The following HDAC9 variants were observed in gnomAD, a reference collection of about 807,000 sequenced individuals.
HDAC9 encodes MEF-2 interacting transcription repressor (MITR) protein.
A neutral mutation model predicts 139.4 loss-of-function variants in HDAC9; 41 were observed. That is an observed-to-expected ratio of 0.29 (90% confidence interval 0.23 to 0.38). The LOEUF (loss-of-function observed/expected upper bound fraction) is 0.38, where lower values mean the gene tolerates loss of function less well. Among genes scored for constraint, HDAC9 ranks in the 10% least tolerant of loss-of-function variants. The probability of loss-of-function intolerance (pLI) is 1.00; values close to 1 mark genes in which losing one functional copy is unlikely to be tolerated. For missense variants in HDAC9, 1,147 were observed against 1,297.0 expected, an observed-to-expected ratio of 0.88 and a Z score of 1.78; for synonymous variants, 517 against 476.2, an observed-to-expected ratio of 1.09 and a Z score of -1.12.
At chr7:18,177,337 A>G (rs886428721) in intron 2 of HDAC9, among the ~76,000 whole-genome samples, 18 of 152,254 alleles carry the variant, frequency 1.2e-4, no homozygotes, top group African/African-American at 4.1e-4. Context: ...GGTGCGATTA[A>G]TCTCTTCTCA....
chr7:18,599,476 C>T (rs187281931), intron 6 of HDAC9, among the ~76,000 whole-genome samples: 4 of 152,276 alleles, frequency 2.6e-5, no homozygotes, highest in African/African-American at 9.6e-5. Context: ...CTCCCCCCAC[C>T]CAACTTTTGG....
At chr7:18,242,388 T>C (rs1204115347) in intron 2 of HDAC9, among the ~76,000 whole-genome samples, 1 of 152,166 alleles carries the variant, frequency 6.6e-6, no homozygotes, top group Admixed American at 6.5e-5. Context: ...AGAAGTCCGA[T>C]TGATTTGTTC....
chr7:18,265,534 GT>G lies in HDAC9; in HGVS notation c.25+103192del, dbSNP rs1341711488. Among the ~76,000 whole-genome samples the G allele has an allele frequency of 4.6e-5, 7 of 151,934 alleles. No individual in the cohort carries two copies. The East Asian group carries it at 9.6e-4, about 21-fold the overall frequency. On this transcript the variant is annotated intron_variant, in intron 2 of 12. Transcript: ENST00000417496. Reference sequence around the variant, plus strand: ...TATGCACATTTCTTAAGTCTGAGAGGTTTTTTTCCTTATGATAATTCAGTAG... The same window carrying G: ...TATGCACATTTCTTAAGTCTGAGAGGTTTTTTCCTTATGATAATTCAGTAG...
In HDAC9 at chr7:18,273,032, CTCTTCCCCT is replaced by C. The variant is rs1176418446; in HGVS notation, c.25+110698_25+110706del. On this transcript the variant is annotated intron_variant, in intron 2 of 12. Coordinates refer to the HDAC9 transcript ENST00000417496. ...CTTCTTCCTCCTCCTCCTCCTCTTC[CTCTTCCCCT>C]TCTTCCCCTTCTTCGTTTTTTTTTT... Among the ~76,000 whole-genome samples, 7 of 136,220 alleles carry C rather than the reference CTCTTCCCCT, an allele frequency of 5.1e-5. No individual in the cohort carries two copies. In the East Asian group the frequency reaches 8.0e-4, roughly 16 times the overall value. The allele number at this position is 136,220 out of a possible 152,430, so 89.4% of individuals were successfully genotyped here. A position where few individuals can be genotyped will look rare whatever the true frequency, so the allele number is the denominator to read the frequency against.
In HDAC9 at chr7:18,834,574, G is replaced by C. The variant is rs1562974034; in HGVS notation, c.2467-893G>C. 2.7e-5 allele frequency among the ~76,000 whole-genome samples: 4 copies of C among 150,158 alleles called. No individual in the cohort carries two copies. In the East Asian group the frequency reaches 7.8e-4, roughly 29 times the overall value. On this transcript the variant is annotated intron_variant, in intron 19 of 25. Coordinates refer to ENST00000686413, the MANE Select transcript of HDAC9 (RefSeq NM_178425.4). Reference sequence around the variant, plus strand: ...GGAAAGAGGACTGGTGTAGGGAAAGGAGAAAAGAGCAGGAAGAAGGCTGTA... The same window carrying C: ...GGAAAGAGGACTGGTGTAGGGAAAGCAGAAAAGAGCAGGAAGAAGGCTGTA...
At chr7:18,868,135 G>A (rs1798632552) in intron 21 of HDAC9, among the ~76,000 whole-genome samples, 1 of 151,990 alleles carries the variant, frequency 6.6e-6, no homozygotes, top group Non-Finnish European at 1.5e-5. Flanking sequence ...CATACAACAT[G>A]GTCTTCTTAT....
At chr7:18,786,067 T>C (rs114466871) in intron 16 of HDAC9, among the ~76,000 whole-genome samples, 1,959 of 152,268 alleles carry the variant, frequency 0.013, 42 homozygotes, top group African/African-American at 0.045. Context: ...TGTTAAATTT[T>C]AGTTTTTTAT....
At position 18,721,608 on chromosome 7, in the gene HDAC9, T is replaced by A. The variant is rs188768864; in HGVS notation, c.1732-5972T>A. Among the ~76,000 whole-genome samples the A allele has an allele frequency of 5.3e-5, 8 of 152,334 alleles. No individual in the cohort carries two copies. The East Asian group carries it at 1.5e-3, about 29-fold the overall frequency. On this transcript the variant is annotated intron_variant, in intron 12 of 25. Coordinates refer to ENST00000686413, the MANE Select transcript of HDAC9 (RefSeq NM_178425.4). The stretch of plus-strand genomic sequence containing the variant: ...CATTTGCTCTTGCTAAAGTCCATGA[T>A]GATATTGATTCTAGCCCATGAGTAA...
chr7:18,934,252 C>A (rs746091315), intron 22 of HDAC9, among the ~76,000 whole-genome samples: 1 of 151,806 alleles, frequency 6.6e-6, no homozygotes, highest in African/African-American at 2.4e-5. Flanking sequence ...TGGTTTCATA[C>A]GAGATTTGTC....
chr7:18,175,431 T>G (rs528007985), intron 2 of HDAC9, among the ~76,000 whole-genome samples: 3 of 152,334 alleles, frequency 2.0e-5, no homozygotes, highest in Admixed American at 2.0e-4. Context: ...GGTGATGCCC[T>G]GCCCTGCTTC....
At chr7:18,615,697 A>T (rs1263355244) in intron 6 of HDAC9, among the ~76,000 whole-genome samples, 1 of 152,184 alleles carries the variant, frequency 6.6e-6, no homozygotes, top group Non-Finnish European at 1.5e-5. Flanking sequence ...TTCCTACTAC[A>T]TTACCTAAAA....
At chr7:18,160,161 G>A (rs533784248) in intron 1 of HDAC9, among the ~76,000 whole-genome samples, 6 of 152,294 alleles carry the variant, frequency 3.9e-5, no homozygotes, top group African/African-American at 1.4e-4. Context: ...AGATGAAAAA[G>A]ATTTTTTAAA....
At chr7:18,558,485 A>G (rs1401722860) in intron 2 of HDAC9, among the ~76,000 whole-genome samples, 4 of 152,130 alleles carry the variant, frequency 2.6e-5, no homozygotes, top group African/African-American at 9.7e-5. Context: ...TACTCTACAG[A>G]TGGGGAAACT....
chr7:18,662,761 T>G, intron 11 of HDAC9, among the ~76,000 whole-genome samples: 1 of 150,658 alleles, frequency 6.6e-6, no homozygotes, highest in East Asian at 2.0e-4. Flanking sequence ...GGAGAGGAGG[T>G]AGTACGAGAC....
intron 12 of HDAC9, among the ~76,000 whole-genome samples, chr7:18,713,463 C>A (rs750764694): frequency 6.6e-6 from 1 of 152,098 alleles, no homozygotes; most frequent in Non-Finnish European, 1.5e-5. Context: ...ATTGATTTAG[C>A]TATTCCGCAA....
At chr7:18,393,634 T>A (rs1465918534) in intron 1 of HDAC9, among the ~76,000 whole-genome samples, 1 of 150,514 alleles carries the variant, frequency 6.6e-6, no homozygotes, top group Non-Finnish European at 1.5e-5. Flanking sequence ...TGAGCTAAAA[T>A]TAAAGCCACA....
chr7:18,424,013 G>A (rs1398100055), intron 1 of HDAC9, among the ~76,000 whole-genome samples: 1 of 152,192 alleles, frequency 6.6e-6, no homozygotes, highest in African/African-American at 2.4e-5. Context: ...TCTTAATTAT[G>A]AAGGTAGTTT....
chr7:18,611,500 T>C (rs1837129788), intron 6 of HDAC9, among the ~76,000 whole-genome samples: 1 of 152,114 alleles, frequency 6.6e-6, no homozygotes, highest in South Asian at 2.1e-4. Flanking sequence ...ACCAGTTTTA[T>C]AGATGAGAGA....
intron 2 of HDAC9, among the ~76,000 whole-genome samples, chr7:18,500,827 A>G (rs1798169702): frequency 1.3e-5 from 2 of 152,262 alleles, no homozygotes; most frequent in South Asian, 4.1e-4. Context: ...AGAGCACCTT[A>G]CATAAATTTT....
Sources: gnomAD v4.1 joint callset for allele counts (sites outside exome capture counted in the v4.1 genomes callset) on GRCh38, gnomAD v4.1.1 for gene constraint, MANE v1.5 for transcripts, NCBI Gene and HGNC (gene_info 2026-07-23, HGNC 2026-07-21) for gene names.